RP1: variants seen among roughly 807,000 people sequenced by gnomAD.
RP1 encodes RP1 axonemal microtubule associated.
A neutral mutation model predicts 14.8 loss-of-function variants in RP1; 16 were observed. The ratio of observed to expected loss-of-function variants is 1.08; its 90% CI spans 0.73 to 1.65. The LOEUF (loss-of-function observed/expected upper bound fraction) is 1.65, where lower values mean the gene tolerates loss of function less well. Among genes scored for constraint, RP1 ranks in the 40% most tolerant of loss-of-function variants. The pLI is 0.00. For missense variants in RP1, 2,631 were observed against 2,535.0 expected (o/e 1.04, Z -0.81); for synonymous variants, 876 against 883.6 (o/e 0.99, Z 0.15).
chr8:54,865,610 G>C (rs1269569718), intron 27 of RP1, among the ~76,000 whole-genome samples: 1 of 151,830 alleles, frequency 6.6e-6, no homozygotes, highest in Non-Finnish European at 1.5e-5. Context: ...ATTTTATAGA[G>C]AGTTTGGGTC....
chr8:54,857,330 A>G (rs901337956), intron 27 of RP1, among the ~76,000 whole-genome samples: 9 of 147,610 alleles, frequency 6.1e-5, no homozygotes, highest in African/African-American at 2.2e-4. Context: ...TAATATATTT[A>G]TAGAATATAT....
chr8:54,761,415 T>C (rs1156869167), intron 22 of RP1, among the ~76,000 whole-genome samples: 1 of 151,874 alleles, frequency 6.6e-6, no homozygotes, highest in African/African-American at 2.4e-5. Context: ...TTTTGTATTT[T>C]TAGTTGAGAC....
At chr8:54,865,238 A>G (rs1812433225) in intron 27 of RP1, among the ~76,000 whole-genome samples, 1 of 151,746 alleles carries the variant, frequency 6.6e-6, no homozygotes, top group Non-Finnish European at 1.5e-5. Context: ...ATATTCTGTG[A>G]TTTCTTTGGG....
chr8:54,796,010 C>T (rs1810568060), intron 24 of RP1, among the ~76,000 whole-genome samples: 1 of 152,120 alleles, frequency 6.6e-6, no homozygotes, highest in Non-Finnish European at 1.5e-5. Context: ...TCTATTTAAA[C>T]CACATTTTCT....
chr8:54,741,508 A>G (rs755431139), intron 19 of RP1, among the ~76,000 whole-genome samples: 31 of 151,806 alleles, frequency 2.0e-4, no homozygotes, highest in Admixed American at 5.9e-4. Flanking sequence ...AATAAGCTAT[A>G]CCATATAGCC....
chr8:54,762,094 G>C (rs1230934883), intron 22 of RP1, among the ~76,000 whole-genome samples: 1 of 152,196 alleles, frequency 6.6e-6, no homozygotes, highest in Non-Finnish European at 1.5e-5. Flanking sequence ...TGGCGGGGGA[G>C]CTGGGTAGGG....
rs1192354604 is a variant in RP1 at position 54,847,609 on chromosome 8, A to T, written c.3836-4965A>T. ...ATCCAGGCCATAGGCAGCAGGCACT[A>T]TAGCTGCTGACTGGTGAACTGTACT... is the stretch of plus-strand genomic sequence containing the variant. On this transcript the variant is annotated intron_variant, in intron 25 of 28. Transcript: ENST00000637698. Among the ~76,000 whole-genome samples, 5 of 152,350 alleles carry T rather than the reference A, an allele frequency of 3.3e-5. No homozygotes were observed. The East Asian group carries it at 9.6e-4, about 29-fold the overall frequency.
Position 54,617,716 on chromosome 8 carries a change from C to T in RP1, c.-13+1514C>T, listed in dbSNP as rs146809646. ...GTATTAGACATCCCTCCTTAATATT[C>T]TCTTGGTACCCCAACTCTTCCTCTT... On this transcript the variant is annotated intron_variant, in intron 1 of 3. Transcript: ENST00000220676. Among the ~76,000 whole-genome samples the T allele has an allele frequency of 6.5e-3, 984 of 152,330 alleles. 6 individuals carry two copies. The highest frequency in any genetic ancestry group is 0.02 in the Middle Eastern group (6 of 294).
At chr8:54,825,886 A>G (rs575706249) in intron 24 of RP1, among the ~76,000 whole-genome samples, 5 of 148,644 alleles carry the variant, frequency 3.4e-5, no homozygotes, top group African/African-American at 1.2e-4. Context: ...CCTGGGCAAC[A>G]TGGCAAGACC....
intron 11 of RP1, chr8:54,679,693 T>G: frequency 6.5e-7 from 1 of 1,527,506 alleles, no homozygotes; most frequent in African/African-American, 1.4e-5. Context: ...TTTGATGTGT[T>G]AAAACAAAAC....
intron 3 of RP1, among the ~76,000 whole-genome samples, chr8:54,623,029 A>C (rs1805924880): frequency 6.6e-6 from 1 of 152,144 alleles, no homozygotes; most frequent in Non-Finnish European, 1.5e-5. Context: ...TTAAGTTTTT[A>C]TTCTCTTTAG....
At chr8:54,598,429 T>C (rs1370616275) in intron 1 of RP1, among the ~76,000 whole-genome samples, 2 of 152,194 alleles carry the variant, frequency 1.3e-5, no homozygotes, top group Admixed American at 1.3e-4. Flanking sequence ...TTATAATTGT[T>C]TTAATATTTC....
chr8:54,607,465 C>T (rs1007282803), intron 1 of RP1, among the ~76,000 whole-genome samples: 1 of 152,142 alleles, frequency 6.6e-6, no homozygotes, highest in Non-Finnish European at 1.5e-5. Flanking sequence ...CTGGGGGGTG[C>T]CTCCCAGTTA....
At chr8:54,865,887 C>T (rs983612566) in exon 28 of RP1, 13 of 1,229,004 alleles carry the variant, frequency 1.1e-5, no homozygotes, top group Non-Finnish European at 1.3e-5. Context: ...ATGAAGACAG[C>T]AGTGAAGAGG....
intron 24 of RP1, among the ~76,000 whole-genome samples, chr8:54,786,440 G>A (rs1810319446): frequency 6.6e-6 from 1 of 151,958 alleles, no homozygotes; most frequent in African/African-American, 2.4e-5. Flanking sequence ...GTTGTGTTTA[G>A]GTGTAGATCA....
intron 12 of RP1, among the ~76,000 whole-genome samples, chr8:54,681,588 C>T (rs1004659659): frequency 6.6e-6 from 1 of 151,388 alleles, no homozygotes; most frequent in Admixed American, 6.6e-5. Flanking sequence ...GTTTGTTACA[C>T]AGGTAAACGT....
At chr8:54,701,881 GT>G (rs1193857843) in intron 14 of RP1, among the ~76,000 whole-genome samples, 1 of 152,132 alleles carries the variant, frequency 6.6e-6, no homozygotes, top group Non-Finnish European at 1.5e-5. Context: ...TATCCTGTAT[GT>G]AATTGAAGTT....
intron 23 of RP1, among the ~76,000 whole-genome samples, chr8:54,778,545 G>A (rs1475440550): frequency 4.6e-5 from 7 of 151,838 alleles, no homozygotes; most frequent in East Asian, 1.9e-4. Flanking sequence ...GGCTGGTCTC[G>A]AACTCCTGAC....
At chr8:54,762,861 A>T (rs1809674575) in intron 22 of RP1, among the ~76,000 whole-genome samples, 1 of 152,154 alleles carries the variant, frequency 6.6e-6, no homozygotes, top group African/African-American at 2.4e-5. Context: ...TTGCAGCTGC[A>T]TCACTCCAGC....
Sources: allele counts gnomAD v4.1 joint callset (sites outside exome capture counted in the v4.1 genomes callset), GRCh38; gene constraint gnomAD v4.1.1; transcripts MANE v1.5; gene names NCBI Gene and HGNC (gene_info 2026-07-23, HGNC 2026-07-21).